CFH: variants seen among roughly 807,000 people sequenced by gnomAD.
CFH encodes the protein complement factor H.
CFH carries 53 observed loss-of-function variants against 147.3 expected under a neutral mutation model. The observed-to-expected ratio is 0.36, with a 90% CI of 0.29 to 0.45. The LOEUF is 0.45. Ranked by LOEUF, CFH falls within the 20% of genes least tolerant of loss-of-function variation. CFH has a pLI of 1.00. For missense variants in CFH, 1,380 were observed against 1,498.0 expected (o/e 0.92, Z 1.30); for synonymous variants, 536 against 489.4 (o/e 1.10, Z -1.26).
chr1:196,708,474 G>C (rs1203180862), intron 9 of CFH, among the ~76,000 whole-genome samples: 3 of 152,052 alleles, frequency 2.0e-5, no homozygotes. Context: ...GCAGACAAAC[G>C]CAGCTAGGAG....
chr1:196,707,504 AGTC>A (rs1668619265), intron 9 of CFH, among the ~76,000 whole-genome samples: 1 of 152,160 alleles, frequency 6.6e-6, no homozygotes, highest in African/African-American at 2.4e-5. Context: ...GACCAGGAAA[AGTC>A]GACATCCTGG....
intron 5 of CFH, 95 bp downstream of exon 5, chr1:196,677,762 C>T: frequency 6.0e-6 from 7 of 1,174,354 alleles, no homozygotes; most frequent in Non-Finnish European, 8.9e-6. Context: ...GCAATATTAA[C>T]AATAGCTAAT....
intron 10 of CFH, among the ~76,000 whole-genome samples, chr1:196,714,697 A>AGG: frequency 8.3e-6 from 1 of 120,606 alleles, no homozygotes; most frequent in Non-Finnish European, 1.7e-5. Flanking sequence ...AGAGAGAGAG[A>AGG]GAGAGAGAGA....
In CFH at chr1:196,713,805, A is replaced by G. The variant is rs769247765; in HGVS notation, c.1407A>G (p.Leu469=). The part of the protein sequence containing the change: ...FISESQYTYA[L]KEKAKYQCKL... ...CTGAATCTCAGTATACATATGCCTT[A>G]AAAGAAAAAGCGAAATATCAATGCA... The change falls in exon 10 of 22, where the codon TTA becomes TTG. Residue 469 remains leucine (L), a synonymous_variant. Transcript: ENST00000367429. 2 of 1,609,992 alleles carry G rather than the reference A, an allele frequency of 1.2e-6. No homozygotes were observed. The highest frequency in any genetic ancestry group is 2.7e-5 in the African/African-American group (2 of 74,790).
In CFH at chr1:196,658,407, A is replaced by ATTTTTTTTTTTTTTTTTTTTTTTT. The variant is rs549213437; in HGVS notation, c.58+6254_58+6255insTTTTTTTTTTTTTTTTTTTTTTTT. On this transcript the variant is annotated intron_variant, in intron 1 of 21. Transcript: ENST00000367429. The stretch of plus-strand genomic sequence containing the variant: ...GGATTACAGCCACCTTGCTCAGGTA[A>ATTTTTTTTTTTTTTTTTTTTTTTT]TTTTTTTTTTTTTTTTTTTTTTGAG... Among the ~76,000 whole-genome samples, 38 of 92,238 alleles carry ATTTTTTTTTTTTTTTTTTTTTTTT rather than the reference A, an allele frequency of 4.1e-4. 4 individuals are homozygous for ATTTTTTTTTTTTTTTTTTTTTTTT. Among genetic ancestry groups the ATTTTTTTTTTTTTTTTTTTTTTTT allele is most frequent in the African/African-American group, 6.3e-4 (12 of 19,104 alleles). 60.5% of individuals were successfully genotyped at this position (92,238 alleles called of 152,430 possible).
Position 196,673,107 on chromosome 1 carries a change from T to C in CFH, c.188T>C (p.Ile63Thr). The change falls in exon 2 of 22, where the codon ATA (isoleucine) becomes ACA (threonine). Residue 63 changes from isoleucine to threonine, a missense_variant. This residue lies in a region of CFH where 260 missense variants were observed against 263.3 expected (regional missense o/e 0.99). Coordinates refer to ENST00000367429, the MANE Select transcript of CFH (RefSeq NM_000186.4). ...GGATATAGATCTCTTGGAAATGTAA[T>C]AATGGTATGCAGGAAGGGAGAATGG... Reference protein sequence around the residue: ...RPGYRSLGNVIMVCRKGEWVA... With the variant: ...RPGYRSLGNVTMVCRKGEWVA... 1 of 1,613,924 alleles carries C rather than the reference T, an allele frequency of 6.2e-7. No individual in the cohort carries two copies. Among genetic ancestry groups the C allele is most frequent in the Non-Finnish European group, 8.5e-7 (1 of 1,179,856 alleles).
chr1:196,692,897 C>CCTT (rs1558163953), intron 9 of CFH, among the ~76,000 whole-genome samples: 2 of 68,988 alleles, frequency 2.9e-5, no homozygotes, highest in African/African-American at 1.5e-4. Context: ...CTCCCTCCCT[C>CCTT]CCTCCCTTCC....
intron 1 of CFH, among the ~76,000 whole-genome samples, chr1:196,667,643 T>A (rs1334801073): frequency 1.7e-4 from 26 of 152,102 alleles, no homozygotes; most frequent in Non-Finnish European, 2.9e-5. Flanking sequence ...TCAGACAATC[T>A]TTGTATGTTT....
At chr1:196,715,515 T>G (rs928561067) in intron 10 of CFH, 78 bp from the exon 11 acceptor site, 19 of 1,193,366 alleles carry the variant, frequency 1.6e-5, no homozygotes, top group Non-Finnish European at 2.2e-5. Flanking sequence ...ATAAAGCTTT[T>G]TCTTCTTAGA....
Position 196,740,783 on chromosome 1 carries a change from T to C in CFH, c.2947T>C (p.Ser983Pro). 6.2e-7 allele frequency: 1 copy of C among 1,613,970 alleles called. No individual in the cohort carries two copies. The highest frequency in any genetic ancestry group is 8.5e-7 in the Non-Finnish European group (1 of 1,179,882). ...AGGAGAAAAATGGTCTCACCCTCCA[T>C]CATGCATAAGTATGGTGCATTGAAT... ...CLGEKWSHPP[S>P]CIKTDCLSLP... Residue 983 changes from serine (S) to proline (P), a missense_variant, in exon 18 of 22, where the codon TCA (serine) becomes CCA (proline). Coordinates refer to ENST00000367429, the MANE Select transcript of CFH (RefSeq NM_000186.4).
chr1:196,724,617 T>G lies in CFH; in HGVS notation c.1697-504T>G, dbSNP rs576002818. Reference sequence around the variant, plus strand: ...TTTTCCATGCTTTGGCTTCTCTCCATGGTTTCTCTATGACGCTCCTGCACC... The same window carrying G: ...TTTTCCATGCTTTGGCTTCTCTCCAGGGTTTCTCTATGACGCTCCTGCACC... On this transcript the variant is annotated intron_variant, in intron 11 of 21. Transcript: ENST00000367429. 1.2e-4 allele frequency among the ~76,000 whole-genome samples: 18 copies of G among 152,282 alleles called. 1 individual carries two copies. The East Asian group carries it at 3.1e-3, about 26-fold the overall frequency.
intron 9 of CFH, among the ~76,000 whole-genome samples, chr1:196,711,266 G>T (rs1210258855): frequency 2.0e-5 from 3 of 152,014 alleles, no homozygotes; most frequent in African/African-American, 7.2e-5. Context: ...AGAGGCTAAG[G>T]TTATTGAAGT....
chr1:196,661,011 C>A (rs915163879), intron 1 of CFH, among the ~76,000 whole-genome samples: 2 of 152,130 alleles, frequency 1.3e-5, no homozygotes, highest in Admixed American at 6.5e-5. Flanking sequence ...TCAAATGGAT[C>A]TAAATTTTGA....
At chr1:196,723,477 A>G (rs1669051776) in intron 11 of CFH, among the ~76,000 whole-genome samples, 2 of 152,178 alleles carry the variant, frequency 1.3e-5, no homozygotes, top group African/African-American at 4.8e-5. Context: ...CTTGTTCTGC[A>G]TCATGCCCTA....
At chr1:196,658,666 C>G (rs1028183032) in intron 1 of CFH, among the ~76,000 whole-genome samples, 3 of 151,976 alleles carry the variant, frequency 2.0e-5, no homozygotes, top group Non-Finnish European at 4.4e-5. Flanking sequence ...ATCTGGTGAT[C>G]TGCCGGCCTT....
intron 17 of CFH, 24 bp from the exon 18 acceptor site, chr1:196,740,595 C>T: frequency 6.2e-7 from 1 of 1,611,150 alleles, no homozygotes; most frequent in Non-Finnish European, 8.5e-7. Flanking sequence ...TTAGTGAAAC[C>T]TGAATTCATT....
At position 196,685,192 on chromosome 1, in the gene CFH, G is replaced by T. The variant is rs1411081273; in HGVS notation, c.919G>T (p.Ala307Ser). Residue 307 changes from alanine (A) to serine (S), a missense_variant, in exon 7 of 22, where the codon GCA (alanine) becomes TCA (serine). Physicochemically the swap from Ala to Ser is moderately conservative, Grantham distance 99. Transcript: ENST00000367429. ...TTATCCTGCAACCCGGGGAAATACAGCAAAATGCACAAGTACTGGCTGGAT... is the reference window on the plus strand; with the variant it reads ...TTATCCTGCAACCCGGGGAAATACATCAAAATGCACAAGTACTGGCTGGAT... ...GFYPATRGNT[A>S]KCTSTGWIPA... is the part of the protein sequence containing the mutation. 2 of 1,612,908 alleles carry T rather than the reference G, an allele frequency of 1.2e-6. No individual in the cohort carries two copies. The highest frequency in any genetic ancestry group is 2.2e-5 in the South Asian group (2 of 91,078).
Position 196,733,730 on chromosome 1 carries a change from T to A in CFH, c.2414-3094T>A, listed in dbSNP as rs189439389. ...AGTTGTAAAAGTTAGGGCACTCAAGTTTGTGTGGACAAACTTGTTCTAAGA... is the reference window on the plus strand; with the variant it reads ...AGTTGTAAAAGTTAGGGCACTCAAGATTGTGTGGACAAACTTGTTCTAAGA... On this transcript the variant is annotated intron_variant, in intron 15 of 21. Transcript: ENST00000367429. Among the ~76,000 whole-genome samples the A allele has an allele frequency of 3.9e-5, 6 of 152,102 alleles. No individual in the cohort carries two copies. The East Asian group carries it at 1.2e-3, about 29-fold the overall frequency.
At position 196,692,455 on chromosome 1, in the gene CFH, T is replaced by C. The variant is rs536930134; in HGVS notation, c.1336+2216T>C. The stretch of plus-strand genomic sequence containing the variant: ...AAACAACTCAATCAACGTTTATGCC[T>C]CTTGGTTTGATTTTGGAGCTGATTG... On this transcript the variant is annotated intron_variant, in intron 9 of 21. Coordinates refer to ENST00000367429, the MANE Select transcript of CFH (RefSeq NM_000186.4). 624 of 552,162 alleles carry C rather than the reference T, an allele frequency of 1.1e-3. 6 individuals are homozygous for C. In the African/African-American group the frequency reaches 0.012, roughly 11 times the overall value. The allele number at this position is 552,162 out of a possible 1,614,324, so 34.2% of individuals were successfully genotyped here. A position where few individuals can be genotyped will look rare whatever the true frequency, so the allele number is the denominator to read the frequency against.
Sources: allele counts gnomAD v4.1 joint callset (sites outside exome capture counted in the v4.1 genomes callset), GRCh38; gene constraint gnomAD v4.1.1; regional missense constraint gnomAD v4.1.1; transcripts MANE v1.5; gene names NCBI Gene and HGNC (gene_info 2026-07-23, HGNC 2026-07-21).